Variants in ENOX1 observed in about 807,000 individuals in gnomAD.
The protein encoded by ENOX1 is ecto-NOX disulfide-thiol exchanger 1, also known as candidate growth-related and time keeping constitutive hydroquinone (NADH) oxidase.
In ENOX1, 42 loss-of-function variants were observed where a neutral mutation model predicts 82.5. That is an observed-to-expected ratio of 0.51 (90% CI 0.40 to 0.66). The LOEUF is 0.66. Ranked by LOEUF, ENOX1 falls within the 30% of genes least tolerant of loss-of-function variation. The probability of loss-of-function intolerance (pLI) is 0.00; values close to 1 mark genes in which losing one functional copy is unlikely to be tolerated. For missense variants in ENOX1, 608 were observed against 811.6 expected, an observed-to-expected ratio of 0.75 and a Z score of 3.05; for synonymous variants, 271 against 282.2, an observed-to-expected ratio of 0.96 and a Z score of 0.40.
At chr13:43,333,574 TG>T (rs2048530387) in intron 9 of ENOX1, among the ~76,000 whole-genome samples, 1 of 152,226 alleles carries the variant, frequency 6.6e-6, no homozygotes, top group Non-Finnish European at 1.5e-5. Context: ...TGATCTCCTC[TG>T]AGTCTCTACT....
At chr13:43,471,236 G>C (rs2058053105) in intron 3 of ENOX1, among the ~76,000 whole-genome samples, 1 of 152,020 alleles carries the variant, frequency 6.6e-6, no homozygotes, top group African/African-American at 2.4e-5. Context: ...ATAGAGTATG[G>C]TTCCATTTAT....
intron 2 of ENOX1, among the ~76,000 whole-genome samples, chr13:43,662,394 G>A (rs1355468556): frequency 1.3e-5 from 2 of 152,112 alleles, no homozygotes; most frequent in African/African-American, 4.8e-5. Flanking sequence ...ATGCAATATA[G>A]GTGCTTTTCC....
chr13:43,391,450 C>CATATATCCCA (rs1411637310), intron 5 of ENOX1, among the ~76,000 whole-genome samples: 2 of 152,142 alleles, frequency 1.3e-5, no homozygotes, highest in Non-Finnish European at 2.9e-5. Context: ...CCATATATCC[C>CATATATCCCA]TGTGTCTACT....
chr13:43,386,889 A>G (rs183750276), intron 5 of ENOX1, among the ~76,000 whole-genome samples: 1 of 152,342 alleles, frequency 6.6e-6, no homozygotes, highest in Non-Finnish European at 1.5e-5. Flanking sequence ...TTAAATATCA[A>G]AACTTGACGT....
At chr13:43,310,449 A>C (rs1316970187) in intron 11 of ENOX1, among the ~76,000 whole-genome samples, 1 of 152,156 alleles carries the variant, frequency 6.6e-6, no homozygotes, top group Non-Finnish European at 1.5e-5. Flanking sequence ...ATTAGCATAA[A>C]ATATTTTGTT....
At chr13:43,745,152 G>T (rs1019100130) in intron 1 of ENOX1, among the ~76,000 whole-genome samples, 8 of 152,146 alleles carry the variant, frequency 5.3e-5, no homozygotes, top group African/African-American at 1.7e-4. Context: ...CAGACAATAT[G>T]CTAGAGGAAA....
chr13:43,434,720 A>G (rs533343600), intron 3 of ENOX1, among the ~76,000 whole-genome samples: 1 of 152,310 alleles, frequency 6.6e-6, no homozygotes, highest in African/African-American at 2.4e-5. Flanking sequence ...TCAGGGAAAA[A>G]ATATTAAAAG....
At chr13:43,507,444 G>T (rs1033698636) in intron 2 of ENOX1, among the ~76,000 whole-genome samples, 1 of 151,982 alleles carries the variant, frequency 6.6e-6, no homozygotes, top group Non-Finnish European at 1.5e-5. Context: ...TTACAAAGGG[G>T]CAGGAATCGA....
chr13:43,569,666 T>TTAA (rs2080084436), intron 2 of ENOX1, among the ~76,000 whole-genome samples: 2 of 150,346 alleles, frequency 1.3e-5, no homozygotes, highest in Non-Finnish European at 1.5e-5. Flanking sequence ...CTTAGTGGTT[T>TTAA]AAAAAAAAAA....
At chr13:43,251,918 A>G (rs895766793) in intron 14 of ENOX1, among the ~76,000 whole-genome samples, 1 of 152,094 alleles carries the variant, frequency 6.6e-6, no homozygotes, top group Non-Finnish European at 1.5e-5. Flanking sequence ...CAGCTGTGAG[A>G]CTTATATGTT....
chr13:43,446,243 C>A (rs957886811), intron 3 of ENOX1, among the ~76,000 whole-genome samples: 1 of 151,538 alleles, frequency 6.6e-6, no homozygotes, highest in Non-Finnish European at 1.5e-5. Flanking sequence ...ATTTTGGAAT[C>A]TGCCTCCCTT....
chr13:43,333,366 T>G (rs2048516377), intron 9 of ENOX1, among the ~76,000 whole-genome samples: 1 of 152,212 alleles, frequency 6.6e-6, no homozygotes, highest in African/African-American at 2.4e-5. Context: ...AAGGCATGAA[T>G]TACATGGTAA....
chr13:43,629,053 C>T (rs1292957169), intron 2 of ENOX1, among the ~76,000 whole-genome samples: 1 of 152,146 alleles, frequency 6.6e-6, no homozygotes, highest in Non-Finnish European at 1.5e-5. Flanking sequence ...CCATCTGATA[C>T]TGCAGCATGA....
intron 12 of ENOX1, among the ~76,000 whole-genome samples, chr13:43,274,732 C>T (rs1005668393): frequency 3.3e-5 from 5 of 152,176 alleles, no homozygotes; most frequent in African/African-American, 1.2e-4. Flanking sequence ...AGACAATTAT[C>T]CATATGCCAA....
At chr13:43,316,393 G>C (rs1360842095) in intron 11 of ENOX1, among the ~76,000 whole-genome samples, 1 of 152,142 alleles carries the variant, frequency 6.6e-6, no homozygotes, top group Non-Finnish European at 1.5e-5. Flanking sequence ...CCAGATTATG[G>C]AAAGTTTGTG....
At chr13:43,337,999 A>G (rs2048813992) in intron 9 of ENOX1, among the ~76,000 whole-genome samples, 1 of 152,212 alleles carries the variant, frequency 6.6e-6, no homozygotes, top group Admixed American at 6.5e-5. Flanking sequence ...AATGTTAATC[A>G]ACCCTTCTGC....
At chr13:43,325,426 T>C (rs1036095726) in intron 10 of ENOX1, among the ~76,000 whole-genome samples, 4 of 152,246 alleles carry the variant, frequency 2.6e-5, no homozygotes, top group African/African-American at 4.8e-5. Flanking sequence ...CATGTGGATA[T>C]TACATCTAGT....
chr13:43,668,735 G>A (rs1396509667), intron 1 of ENOX1, among the ~76,000 whole-genome samples: 1 of 152,134 alleles, frequency 6.6e-6, no homozygotes, highest in East Asian at 1.9e-4. Flanking sequence ...AGGGGCAGGG[G>A]AAGGTACTGG....
chr13:43,530,131 T>G (rs925861511), intron 2 of ENOX1, among the ~76,000 whole-genome samples: 2 of 152,112 alleles, frequency 1.3e-5, no homozygotes, highest in African/African-American at 4.8e-5. Flanking sequence ...AAACAAAGCA[T>G]CCAATGTTCA....
Sources: allele counts gnomAD v4.1 joint callset (sites outside exome capture counted in the v4.1 genomes callset), GRCh38; gene constraint gnomAD v4.1.1; transcripts MANE v1.5; gene names NCBI Gene and HGNC (gene_info 2026-07-23, HGNC 2026-07-21).